Variants in CTNND2 observed in about 807,000 individuals in gnomAD.
CTNND2 encodes catenin delta-2.
In CTNND2, 22 loss-of-function variants were observed where a neutral mutation model predicts 144.4. The ratio of observed to expected loss-of-function variants is 0.15; its 90% CI spans 0.11 to 0.22. CTNND2 has a LOEUF of 0.22. CTNND2 is among the 10% of genes least tolerant of loss of function. The probability of loss-of-function intolerance (pLI) is 1.00; values close to 1 mark genes in which losing one functional copy is unlikely to be tolerated. For synonymous variants in CTNND2, 751 were observed against 695.6 expected (o/e 1.08, Z -1.25); for missense variants, 1,353 against 1,618.8 (o/e 0.84, Z 2.82).
At chr5:11,356,278 C>A (rs1387391187) in intron 8 of CTNND2, among the ~76,000 whole-genome samples, 2 of 152,132 alleles carry the variant, frequency 1.3e-5, no homozygotes, top group Non-Finnish European at 2.9e-5. Context: ...CTGAAGGCAT[C>A]ACACTATGTG....
At chr5:11,878,028 C>CAATTA (rs1735692875) in intron 1 of CTNND2, among the ~76,000 whole-genome samples, 1 of 151,930 alleles carries the variant, frequency 6.6e-6, no homozygotes, top group Non-Finnish European at 1.5e-5. Context: ...ATGTAGAAGG[C>CAATTA]AATTATCTTC....
At chr5:11,637,576 C>T (rs955646542) in intron 2 of CTNND2, among the ~76,000 whole-genome samples, 1 of 151,988 alleles carries the variant, frequency 6.6e-6, no homozygotes, top group African/African-American at 2.4e-5. Context: ...ACAATGCCAG[C>T]GAAAATTAGA....
intron 9 of CTNND2, among the ~76,000 whole-genome samples, chr5:11,291,176 G>A (rs1025969327): frequency 3.0e-4 from 45 of 152,204 alleles, no homozygotes; most frequent in African/African-American, 1.1e-3. Flanking sequence ...CATTGGTGCT[G>A]TCAACTAAAG....
chr5:11,833,670 C>T (rs1415819747), intron 1 of CTNND2, among the ~76,000 whole-genome samples: 1 of 152,012 alleles, frequency 6.6e-6, no homozygotes, highest in African/African-American at 2.4e-5. Context: ...ATTACAGGCA[C>T]CCACGACTAC....
intron 2 of CTNND2, among the ~76,000 whole-genome samples, chr5:11,681,697 A>G (rs1460555540): frequency 6.6e-6 from 1 of 152,238 alleles, no homozygotes; most frequent in Non-Finnish European, 1.5e-5. Flanking sequence ...ATCACAACGT[A>G]ATTCCTACTG....
intron 1 of CTNND2, among the ~76,000 whole-genome samples, chr5:11,841,262 T>C (rs1308317507): frequency 6.6e-6 from 1 of 152,216 alleles, no homozygotes; most frequent in Non-Finnish European, 1.5e-5. Context: ...AATTTCAGCA[T>C]TGCTACTAGC....
chr5:11,055,327 A>C (rs567871966), intron 16 of CTNND2, among the ~76,000 whole-genome samples: 2 of 152,212 alleles, frequency 1.3e-5, no homozygotes, highest in Non-Finnish European at 2.9e-5. Flanking sequence ...TGCAGCTGCC[A>C]TAAGTCCCCT....
chr5:11,451,523 T>A (rs544286562), intron 3 of CTNND2, among the ~76,000 whole-genome samples: 1 of 152,344 alleles, frequency 6.6e-6, no homozygotes, highest in East Asian at 1.9e-4. Flanking sequence ...AAATGCTCCT[T>A]GGAGCATTTT....
intron 9 of CTNND2, among the ~76,000 whole-genome samples, chr5:11,317,568 T>G (rs1751639728): frequency 6.6e-6 from 1 of 152,246 alleles, no homozygotes; most frequent in Admixed American, 6.5e-5. Flanking sequence ...ATTTCTTGTG[T>G]TAATTATAAG....
intron 1 of CTNND2, among the ~76,000 whole-genome samples, chr5:11,793,654 C>T (rs1179352233): frequency 6.6e-6 from 1 of 152,172 alleles, no homozygotes; most frequent in Non-Finnish European, 1.5e-5. Flanking sequence ...ATAGACCCTT[C>T]CCTAGCACCT....
chr5:10,982,012 T>G (rs1737344017), intron 20 of CTNND2, among the ~76,000 whole-genome samples, 166 bp from the exon 21 acceptor site: 1 of 152,018 alleles, frequency 6.6e-6, no homozygotes, highest in Admixed American at 6.5e-5. Context: ...CATACAGATA[T>G]TAAAAAAGGA....
intron 8 of CTNND2, among the ~76,000 whole-genome samples, chr5:11,351,625 T>C (rs1359381111): frequency 1.3e-5 from 2 of 152,066 alleles, no homozygotes; most frequent in Non-Finnish European, 2.9e-5. Flanking sequence ...CATTATTTAC[T>C]GACAATGGAA....
At chr5:11,443,251 T>C (rs1561401552) in intron 3 of CTNND2, among the ~76,000 whole-genome samples, 1 of 103,686 alleles carries the variant, frequency 9.6e-6, no homozygotes, top group East Asian at 2.5e-4. Context: ...TGTGTGTGTG[T>C]GCTGTGTGTG....
At chr5:11,340,420 G>A (rs73057823) in intron 9 of CTNND2, among the ~76,000 whole-genome samples, 5,057 of 152,294 alleles carry the variant, frequency 0.033, 301 homozygotes, top group East Asian at 0.18. Flanking sequence ...TGGATTCAGA[G>A]GGAGAGGTCC....
intron 3 of CTNND2, among the ~76,000 whole-genome samples, chr5:11,415,581 C>T (rs777383206): frequency 1.3e-5 from 2 of 152,030 alleles, no homozygotes; most frequent in Non-Finnish European, 2.9e-5. Flanking sequence ...CCCTCATGCA[C>T]CCCAGCCTAG....
chr5:11,061,763 C>T (rs932703932), intron 16 of CTNND2, among the ~76,000 whole-genome samples: 4 of 151,844 alleles, frequency 2.6e-5, no homozygotes, highest in Non-Finnish European at 5.9e-5. Flanking sequence ...GGCTGGAGTA[C>T]AGTGGTGCAA....
intron 18 of CTNND2, among the ~76,000 whole-genome samples, chr5:11,002,514 G>C (rs778846643): frequency 6.5e-4 from 99 of 152,202 alleles, no homozygotes; most frequent in Non-Finnish European, 8.1e-4. Flanking sequence ...AGAGTTTAGA[G>C]AGAAGGTGGG....
intron 21 of CTNND2, among the ~76,000 whole-genome samples, chr5:10,975,854 T>G (rs1736398439): frequency 6.6e-6 from 1 of 152,214 alleles, no homozygotes; most frequent in Non-Finnish European, 1.5e-5. Context: ...TCTGCTTTCA[T>G]TTTTTTGGTT....
At chr5:11,124,522 A>G (rs1331718657) in intron 12 of CTNND2, among the ~76,000 whole-genome samples, 1 of 152,252 alleles carries the variant, frequency 6.6e-6, no homozygotes, top group Non-Finnish European at 1.5e-5. Context: ...CACCTAGATC[A>G]GGAGTTAAAA....
Sources: allele counts gnomAD v4.1 joint callset (sites outside exome capture counted in the v4.1 genomes callset), GRCh38; gene constraint gnomAD v4.1.1; transcripts MANE v1.5; gene names NCBI Gene and HGNC (gene_info 2026-07-23, HGNC 2026-07-21).